Variants in DCBLD2 observed in about 807,000 individuals in gnomAD.
DCBLD2 encodes the protein discoidin, CUB and LCCL domain containing 2.
Under a neutral mutation model 86.8 loss-of-function variants are expected in DCBLD2, and 54 were observed. The observed-to-expected ratio is 0.62, with a 90% CI of 0.50 to 0.78. The LOEUF (loss-of-function observed/expected upper bound fraction) is 0.78, where lower values mean the gene tolerates loss of function less well. DCBLD2 is among the 30% of genes least tolerant of loss of function. DCBLD2 has a pLI of 0.00. For synonymous variants in DCBLD2, 354 were observed against 341.3 expected (o/e 1.04, Z -0.41); for missense variants, 908 against 954.2 (o/e 0.95, Z 0.64).
chr3:98,870,802 A>AAAGG (rs1943266000), intron 2 of DCBLD2, among the ~76,000 whole-genome samples: 17 of 135,772 alleles, frequency 1.3e-4, no homozygotes, highest in Admixed American at 5.0e-4. Context: ...AGAAAGAAAG[A>AAAGG]AAGAAAGAAA....
chr3:98,867,994 G>A (rs1245206046), intron 2 of DCBLD2, among the ~76,000 whole-genome samples: 2 of 151,842 alleles, frequency 1.3e-5, no homozygotes, highest in African/African-American at 4.8e-5. Flanking sequence ...CAGTAGAGAC[G>A]GGGTTTCACC....
At chr3:98,820,961 G>T (rs915965193) in intron 6 of DCBLD2, 1 of 146,662 alleles carries the variant, frequency 6.8e-6, no homozygotes, top group Non-Finnish European at 1.5e-5. Context: ...GGAATGAAAG[G>T]GTCTGCATAA....
intron 3 of DCBLD2, among the ~76,000 whole-genome samples, chr3:98,844,319 T>G (rs2107478027): frequency 6.7e-6 from 1 of 149,650 alleles, no homozygotes; most frequent in African/African-American, 2.5e-5. Flanking sequence ...TAAATCTACT[T>G]TTCAGAATAA....
chr3:98,865,183 T>C (rs1476366731), intron 2 of DCBLD2, among the ~76,000 whole-genome samples: 1 of 152,160 alleles, frequency 6.6e-6, no homozygotes. Flanking sequence ...GCTGCATTAT[T>C]CACAATAGCC....
At chr3:98,891,168 G>T (rs1029849934) in intron 1 of DCBLD2, among the ~76,000 whole-genome samples, 1 of 151,708 alleles carries the variant, frequency 6.6e-6, no homozygotes, top group Non-Finnish European at 1.5e-5. Context: ...GTGTGTGTGT[G>T]TGCATGTGTG....
At chr3:98,865,958 T>C (rs1943135689) in intron 2 of DCBLD2, among the ~76,000 whole-genome samples, 1 of 149,808 alleles carries the variant, frequency 6.7e-6, no homozygotes, top group African/African-American at 2.5e-5. Context: ...GAACATGCGG[T>C]GTTCGGTTTT....
chr3:98,891,853 T>C (rs1388356180), intron 1 of DCBLD2, among the ~76,000 whole-genome samples: 1 of 152,186 alleles, frequency 6.6e-6, no homozygotes, highest in African/African-American at 2.4e-5. Context: ...TTGTGAAACC[T>C]TTCTGAAGCT....
chr3:98,885,103 C>T (rs1243417669), intron 1 of DCBLD2, among the ~76,000 whole-genome samples: 1 of 152,026 alleles, frequency 6.6e-6, no homozygotes, highest in Non-Finnish European at 1.5e-5. Context: ...AAAATAATTA[C>T]AGAGTTGTCT....
At chr3:98,868,763 G>C (rs1943206881) in intron 2 of DCBLD2, among the ~76,000 whole-genome samples, 2 of 152,090 alleles carry the variant, frequency 1.3e-5, no homozygotes, top group Non-Finnish European at 2.9e-5. Flanking sequence ...TCTATCCAAG[G>C]AGCTGCGAAG....
At chr3:98,808,245 A>C in intron 12 of DCBLD2, 71 bp from the exon 13 acceptor site, 1 of 1,301,692 alleles carries the variant, frequency 7.7e-7, no homozygotes, top group Admixed American at 2.6e-5. Flanking sequence ...CACTAGGGAA[A>C]ATTAACCACA....
intron 1 of DCBLD2, among the ~76,000 whole-genome samples, chr3:98,895,682 A>G (rs1943740214): frequency 6.6e-6 from 1 of 152,142 alleles, no homozygotes; most frequent in Non-Finnish European, 1.5e-5. Flanking sequence ...TTATTATTAT[A>G]GTAGGCGTCT....
rs1941587137 is a variant in DCBLD2 at position 98,796,218 on chromosome 3, T to C, written c.*3154A>G. On this transcript the variant is annotated 3_prime_UTR_variant, in exon 16 of 16. Transcript: ENST00000326840. The stretch of plus-strand genomic sequence containing the variant: ...CAATATGTATTTCAATACATGTTTG[T>C]TTCCACTTTTCCCAGTGCCACACAC... 6.6e-6 allele frequency: 1 copy of C among 150,924 alleles called. No individual in the cohort carries two copies. Among genetic ancestry groups the C allele is most frequent in the Admixed American group, 6.8e-5 (1 of 14,778 alleles). 9.3% of individuals were successfully genotyped at this position (150,924 alleles called of 1,614,324 possible).
chr3:98,862,793 C>G (rs2107500511), intron 2 of DCBLD2, among the ~76,000 whole-genome samples: 1 of 152,290 alleles, frequency 6.6e-6, no homozygotes, highest in South Asian at 2.1e-4. Context: ...TGGAAGCATT[C>G]CCTTTGAAAA....
At chr3:98,858,064 C>T (rs574290059) in intron 2 of DCBLD2, among the ~76,000 whole-genome samples, 16 of 152,316 alleles carry the variant, frequency 1.1e-4, no homozygotes, top group South Asian at 6.2e-4. Context: ...CAGCAGCCCA[C>T]GGTGGGGGGC....
chr3:98,848,588 C>T (rs1942769332), intron 3 of DCBLD2, among the ~76,000 whole-genome samples: 1 of 152,218 alleles, frequency 6.6e-6, no homozygotes, highest in South Asian at 2.1e-4. Context: ...CTCCCACAAA[C>T]AGTGTATACG....
chr3:98,838,167 G>T (rs1229474782), intron 3 of DCBLD2, among the ~76,000 whole-genome samples: 2 of 118,556 alleles, frequency 1.7e-5, no homozygotes, highest in African/African-American at 6.2e-5. Flanking sequence ...CCTCCCTCCC[G>T]GACGGGGTGG....
intron 1 of DCBLD2, among the ~76,000 whole-genome samples, chr3:98,899,011 AG>A (rs1313201204): frequency 3.3e-5 from 5 of 152,026 alleles, no homozygotes; most frequent in Admixed American, 2.6e-4. Flanking sequence ...TTAATGATGT[AG>A]AAAACTGAGG....
At chr3:98,828,195 T>A (rs1298746554) in intron 3 of DCBLD2, among the ~76,000 whole-genome samples, 2 of 151,810 alleles carry the variant, frequency 1.3e-5, no homozygotes, top group African/African-American at 4.8e-5. Context: ...AGAAAACAAA[T>A]AAAAATAAAT....
intron 13 of DCBLD2, among the ~76,000 whole-genome samples, chr3:98,802,927 T>C (rs1159873315): frequency 6.6e-6 from 1 of 152,228 alleles, no homozygotes; most frequent in East Asian, 1.9e-4. Context: ...TTGGTCCCAG[T>C]ATCATGCTGT....
Sources: allele counts gnomAD v4.1 joint callset (sites outside exome capture counted in the v4.1 genomes callset), GRCh38; gene constraint gnomAD v4.1.1; transcripts MANE v1.5; gene names NCBI Gene and HGNC (gene_info 2026-07-23, HGNC 2026-07-21).